IMMP2L: variants seen among roughly 807,000 people sequenced by gnomAD.
IMMP2L encodes the protein inner mitochondrial membrane peptidase subunit 2, also known as mitochondrial inner membrane protease subunit 2.
A neutral mutation model predicts 19.3 loss-of-function variants in IMMP2L; 18 were observed. The observed-to-expected ratio is 0.93, with a 90% CI of 0.64 to 1.38. The LOEUF is 1.38. Ranked by LOEUF, IMMP2L falls within the 40% of genes most tolerant of loss-of-function variation. The pLI, the probability that IMMP2L is intolerant of heterozygous loss-of-function variation, is 0.00. For missense variants in IMMP2L, 233 were observed against 218.2 expected (o/e 1.07, Z -0.43); for synonymous variants, 76 against 73.0 (o/e 1.04, Z -0.21).
At chr7:110,779,635 T>C (rs1268732077) in intron 5 of IMMP2L, among the ~76,000 whole-genome samples, 6 of 151,944 alleles carry the variant, frequency 3.9e-5, no homozygotes, top group African/African-American at 1.4e-4. Flanking sequence ...AGATGGCTTA[T>C]CTAGTACTTC....
chr7:111,122,746 A>G (rs892815887), intron 3 of IMMP2L: 4 of 1,581,340 alleles, frequency 2.5e-6, no homozygotes, highest in East Asian at 2.2e-5. Context: ...TTAAGGGCCC[A>G]TTACATTTCT....
chr7:111,014,754 T>C (rs1234308649), intron 3 of IMMP2L, among the ~76,000 whole-genome samples: 1 of 152,084 alleles, frequency 6.6e-6, no homozygotes, highest in African/African-American at 2.4e-5. Context: ...CATCTAAAAA[T>C]TGGCAAAGGA....
intron 3 of IMMP2L, among the ~76,000 whole-genome samples, chr7:111,062,521 A>G (rs1004187711): frequency 6.6e-6 from 1 of 152,146 alleles, no homozygotes; most frequent in Non-Finnish European, 1.5e-5. Flanking sequence ...TGCCTTCCCA[A>G]CAGTCCCCTA....
At chr7:111,294,982 G>A (rs1378426550) in intron 3 of IMMP2L, among the ~76,000 whole-genome samples, 20 of 151,698 alleles carry the variant, frequency 1.3e-4, no homozygotes. Context: ...AAATTTAACT[G>A]GCTTATACTG....
At chr7:111,126,661 A>C (rs2129591574) in intron 3 of IMMP2L, among the ~76,000 whole-genome samples, 1 of 149,812 alleles carries the variant, frequency 6.7e-6, no homozygotes, top group African/African-American at 2.4e-5. Context: ...ATTTCACTTA[A>C]AAAAAAAGAG....
intron 5 of IMMP2L, among the ~76,000 whole-genome samples, chr7:110,811,867 G>T (rs1443466040): frequency 6.6e-6 from 1 of 151,920 alleles, no homozygotes; most frequent in East Asian, 1.9e-4. Flanking sequence ...CTTAAGAGGG[G>T]CCCACCTAAT....
intron 3 of IMMP2L, among the ~76,000 whole-genome samples, chr7:111,067,353 C>A (rs1246768958): frequency 6.6e-6 from 1 of 152,276 alleles, no homozygotes; most frequent in East Asian, 1.9e-4. Flanking sequence ...GGAAGCTGAC[C>A]TATATGGATG....
At position 111,562,188 on chromosome 7, in the gene IMMP2L, G is replaced by C. The variant is rs1792158549; in HGVS notation, c.-340C>G. On this transcript the variant is annotated 5_prime_UTR_variant, in exon 1 of 6. Transcript: ENST00000405709. The stretch of plus-strand genomic sequence containing the variant: ...TGGCGCCGGTTTCTCAACCTAGTTA[G>C]CCAGTGGCACCAAGAAGAGGACTAG... 6.6e-6 allele frequency: 1 copy of C among 152,308 alleles called. No individual in the cohort carries two copies. The highest frequency in any genetic ancestry group is 1.5e-5 in the Non-Finnish European group (1 of 68,140). 9.4% of individuals were successfully genotyped at this position (152,308 alleles called of 1,614,324 possible).
chr7:111,059,142 C>T (rs1291206278), intron 3 of IMMP2L, among the ~76,000 whole-genome samples: 2 of 152,022 alleles, frequency 1.3e-5, no homozygotes, highest in Non-Finnish European at 2.9e-5. Flanking sequence ...GCCACCACAT[C>T]CAGCTAATTT....
At chr7:110,913,526 C>T (rs532937619) in intron 4 of IMMP2L, among the ~76,000 whole-genome samples, 1 of 151,900 alleles carries the variant, frequency 6.6e-6, no homozygotes, top group East Asian at 1.9e-4. Context: ...GACATTTTTC[C>T]AAAGAAGATA....
intron 3 of IMMP2L, among the ~76,000 whole-genome samples, chr7:111,014,767 T>G (rs1272716805): frequency 6.6e-6 from 1 of 152,078 alleles, no homozygotes; most frequent in Non-Finnish European, 1.5e-5. Context: ...GCAAAGGACT[T>G]GAATAGATAT....
At chr7:110,886,719 T>C in intron 4 of IMMP2L, 24 bp from the exon 5 acceptor site, 8 of 1,118,364 alleles carry the variant, frequency 7.2e-6, no homozygotes, top group Non-Finnish European at 1.1e-5. Flanking sequence ...GTGTAACCAC[T>C]GAGATATGAG....
intron 1 of IMMP2L, among the ~76,000 whole-genome samples, chr7:111,550,626 A>G (rs191017402): frequency 4.2e-4 from 64 of 152,290 alleles, no homozygotes; most frequent in Non-Finnish European, 2.9e-5. Context: ...AAAAAAGTCT[A>G]TTTTAAATAA....
intron 3 of IMMP2L, among the ~76,000 whole-genome samples, chr7:111,463,245 C>G (rs1308793613): frequency 6.6e-6 from 1 of 151,966 alleles, no homozygotes; most frequent in African/African-American, 2.4e-5. Context: ...TGGATTAGGA[C>G]CCATACAAAT....
intron 5 of IMMP2L, among the ~76,000 whole-genome samples, chr7:110,801,166 T>C (rs1801213406): frequency 1.3e-5 from 2 of 152,084 alleles, no homozygotes; most frequent in Admixed American, 6.6e-5. Flanking sequence ...TTCCACCAGC[T>C]TTCTAGGTCT....
chr7:110,929,068 C>T (rs1815190961), intron 4 of IMMP2L, among the ~76,000 whole-genome samples: 1 of 151,996 alleles, frequency 6.6e-6, no homozygotes, highest in Non-Finnish European at 1.5e-5. Context: ...AGAAAATTTT[C>T]CTTATGTAAG....
rs139085983 is a variant in IMMP2L at position 111,315,655 on chromosome 7, G to A, written c.239+171583C>T. Among the ~76,000 whole-genome samples the A allele has an allele frequency of 9.2e-3, 1,388 of 151,090 alleles. 15 individuals carry two copies. The highest frequency in any genetic ancestry group is 0.016 in the Non-Finnish European group (1,053 of 67,840). ...ATAGTAATACCTTCCTCACCGCCAC[G>A]TAGTCTTTCAGTAATGAATGAGACT... is the stretch of plus-strand genomic sequence containing the variant. On this transcript the variant is annotated intron_variant, in intron 3 of 5. Coordinates refer to ENST00000405709, the MANE Select transcript of IMMP2L (RefSeq NM_032549.4).
chr7:110,812,233 T>C (rs1035713360), intron 5 of IMMP2L, among the ~76,000 whole-genome samples: 24 of 152,084 alleles, frequency 1.6e-4, no homozygotes, highest in East Asian at 1.9e-4. Context: ...TTAATCTCTG[T>C]ATTCTAACAA....
At chr7:111,309,354 C>T (rs937714903) in intron 3 of IMMP2L, among the ~76,000 whole-genome samples, 2 of 151,884 alleles carry the variant, frequency 1.3e-5, no homozygotes, top group Non-Finnish European at 2.9e-5. Context: ...TGTTATATGG[C>T]CAGTTTGGAT....
Sources: gnomAD v4.1 joint callset for allele counts (sites outside exome capture counted in the v4.1 genomes callset) on GRCh38, gnomAD v4.1.1 for gene constraint, MANE v1.5 for transcripts, NCBI Gene and HGNC (gene_info 2026-07-23, HGNC 2026-07-21) for gene names.